Variants in HIBCH observed in about 807,000 individuals in gnomAD.
HIBCH encodes 3-hydroxyisobutyryl-CoA hydrolase, mitochondrial.
Under a neutral mutation model 58.2 loss-of-function variants are expected in HIBCH, and 50 were observed. The observed-to-expected ratio is 0.86, with a 90% CI of 0.68 to 1.09. HIBCH has a LOEUF of 1.09. HIBCH is among the 50% of genes least tolerant of loss of function. HIBCH has a pLI of 0.00. For missense variants in HIBCH, 450 were observed against 449.7 expected (o/e 1.00, Z -0.01); for synonymous variants, 151 against 146.9 (o/e 1.03, Z -0.20).
intron 6 of HIBCH, among the ~76,000 whole-genome samples, chr2:190,280,258 C>T (rs954015836): frequency 1.3e-5 from 2 of 152,136 alleles, no homozygotes; most frequent in Non-Finnish European, 2.9e-5. Context: ...GAATCCTGTG[C>T]ACACTGGGAT....
intron 9 of HIBCH, among the ~76,000 whole-genome samples, chr2:190,248,682 T>C (rs1375459388): frequency 2.0e-5 from 3 of 151,862 alleles, no homozygotes; most frequent in Non-Finnish European, 4.4e-5. Context: ...GCCAACATGG[T>C]GAAACCCTGT....
intron 11 of HIBCH, among the ~76,000 whole-genome samples, chr2:190,220,035 C>A (rs912874076): frequency 3.3e-5 from 5 of 152,190 alleles, no homozygotes; most frequent in African/African-American, 1.2e-4. Context: ...ACGTACAGCA[C>A]TTGTTTACAG....
intron 2 of HIBCH, among the ~76,000 whole-genome samples, chr2:190,305,893 G>A (rs1688391858): frequency 6.6e-6 from 1 of 151,868 alleles, no homozygotes; most frequent in Admixed American, 6.6e-5. Context: ...AATTAAGGGG[G>A]CAACCACAGG....
At chr2:190,251,091 C>T (rs1201533791) in intron 8 of HIBCH, among the ~76,000 whole-genome samples, 1 of 152,124 alleles carries the variant, frequency 6.6e-6, no homozygotes. Context: ...ACAAGAGACT[C>T]TCAATGAAAA....
downstream of HIBCH, chr2:190,203,139 G>A (rs1210549243): frequency 6.0e-6 from 1 of 166,966 alleles, no homozygotes; most frequent in Non-Finnish European, 1.5e-5. Context: ...TATCAAATGG[G>A]GAAACTATAC....
downstream of HIBCH, chr2:190,202,640 T>A (rs560097625): frequency 1.3e-4 from 21 of 167,138 alleles, no homozygotes; most frequent in African/African-American, 5.1e-4. Context: ...GTAGAAGGAC[T>A]GTCTGAGAAG....
At chr2:190,288,594 C>T (rs1407699335) in intron 5 of HIBCH, among the ~76,000 whole-genome samples, 1 of 151,390 alleles carries the variant, frequency 6.6e-6, no homozygotes, top group Non-Finnish European at 1.5e-5. Flanking sequence ...TTGGATACCA[C>T]AGAAGAGTTA....
chr2:190,271,624 C>A (rs1338831869), intron 6 of HIBCH, among the ~76,000 whole-genome samples: 1 of 152,010 alleles, frequency 6.6e-6, no homozygotes, highest in Non-Finnish European at 1.5e-5. Flanking sequence ...ATCTCTCACC[C>A]GATTCCCTGC....
chr2:190,296,932 C>A lies in HIBCH; in HGVS notation c.100G>T (p.Ala34Ser), dbSNP rs1314718913. The change falls in exon 3 of 14, where the codon GCA becomes TCA. Residue 34 changes from alanine to serine, a missense_variant. By Grantham distance (99) the Ala-to-Ser change is moderately conservative (BLOSUM62 1). Coordinates refer to ENST00000359678, the MANE Select transcript of HIBCH (RefSeq NM_014362.4). ...HHLRMSKHTD[A>S]AEEVLLEKKG... The stretch of plus-strand genomic sequence containing the variant: ...TTTTCCAATAGCACCTCTTCTGCTG[C>A]ATCTGTGTGCTTGGACATTCTCTGT... 8.7e-6 allele frequency: 14 copies of A among 1,614,010 alleles called. No individual in the cohort carries two copies. Among genetic ancestry groups the A allele is most frequent in the Non-Finnish European group, 1.1e-5 (13 of 1,180,010 alleles).
intron 6 of HIBCH, among the ~76,000 whole-genome samples, chr2:190,285,465 T>C (rs1037619902): frequency 6.6e-6 from 1 of 152,166 alleles, no homozygotes; most frequent in Non-Finnish European, 1.5e-5. Context: ...GCTCAGTTTC[T>C]GCCAAGCAGA....
chr2:190,307,722 A>G lies in HIBCH; in HGVS notation c.78+3032T>C, dbSNP rs76333122. Reference sequence around the variant, plus strand: ...GATTATGGAGAAAGAAGAAAAAAAAATATTTCCCTGAATATTTTCATAGTA... The same window carrying G: ...GATTATGGAGAAAGAAGAAAAAAAAGTATTTCCCTGAATATTTTCATAGTA... On this transcript the variant is annotated intron_variant, in intron 2 of 13. Coordinates refer to ENST00000359678, the MANE Select transcript of HIBCH (RefSeq NM_014362.4). Among the ~76,000 whole-genome samples, 549 of 150,334 alleles carry G rather than the reference A, an allele frequency of 3.7e-3. 1 individual carries two copies. Among genetic ancestry groups the G allele is most frequent in the African/African-American group, 0.013 (512 of 40,886 alleles).
intron 11 of HIBCH, 120 bp from the exon 12 acceptor site, chr2:190,213,195 C>A (rs1690554963): frequency 2.3e-6 from 2 of 868,910 alleles, no homozygotes; most frequent in African/African-American, 1.7e-5. Flanking sequence ...AAAGATTATA[C>A]CCTAGCTTAA....
chr2:190,230,243 A>G (rs1012822062), intron 11 of HIBCH, among the ~76,000 whole-genome samples: 4 of 152,230 alleles, frequency 2.6e-5, no homozygotes, highest in African/African-American at 9.6e-5. Context: ...GCCTGAAAAT[A>G]TAAAGATGGA....
chr2:190,315,370 C>G lies in HIBCH; in HGVS notation c.35+4346G>C, dbSNP rs182446661. Among the ~76,000 whole-genome samples the G allele has an allele frequency of 1.1e-4, 16 of 152,236 alleles. No homozygotes were observed. The highest frequency in any genetic ancestry group is 3.6e-4 in the African/African-American group (15 of 41,528). The stretch of plus-strand genomic sequence containing the variant: ...TCTTGGACAAGTACCATCAACATCC[C>G]CTGGAAACTGACTAGAAACTGAAAT... On this transcript the variant is annotated intron_variant, in intron 1 of 13. Coordinates refer to ENST00000359678, the MANE Select transcript of HIBCH (RefSeq NM_014362.4). The surrounding 1 kb of genome is among the most constrained non-coding windows in gnomAD (Gnocchi z 5.4).
chr2:190,208,284 C>A (rs896128387), intron 13 of HIBCH, among the ~76,000 whole-genome samples: 2 of 152,100 alleles, frequency 1.3e-5, no homozygotes, highest in African/African-American at 4.8e-5. Flanking sequence ...TTTTGCCAGG[C>A]CAGCACGAAA....
At chr2:190,199,512 A>G (rs763076112), downstream of HIBCH, among the ~76,000 whole-genome samples, 9 of 152,084 alleles carry the variant, frequency 5.9e-5, no homozygotes, top group African/African-American at 9.7e-5. Context: ...AAGTTTTCCT[A>G]TTTTGCAAGT....
At chr2:190,261,261 C>T (rs1021137407) in intron 6 of HIBCH, 27 bp from the exon 7 acceptor site, 5 of 1,500,806 alleles carry the variant, frequency 3.3e-6, no homozygotes, top group African/African-American at 1.4e-5. Context: ...AAAAAAGAGG[C>T]GGGGGGGAAT....
intron 6 of HIBCH, among the ~76,000 whole-genome samples, chr2:190,285,567 G>C (rs1687808571): frequency 6.6e-6 from 1 of 152,110 alleles, no homozygotes; most frequent in Non-Finnish European, 1.5e-5. Context: ...GGTTCTACTA[G>C]AACAAAGGGG....
chr2:190,208,313 G>T (rs1690439850), intron 13 of HIBCH, among the ~76,000 whole-genome samples: 1 of 152,170 alleles, frequency 6.6e-6, no homozygotes, highest in Non-Finnish European at 1.5e-5. Flanking sequence ...AAGGGTAGGG[G>T]ATTTGAGGGC....
Sources: allele counts gnomAD v4.1 joint callset (sites outside exome capture counted in the v4.1 genomes callset), GRCh38; gene constraint gnomAD v4.1.1; non-coding constraint Gnocchi (gnomAD v3.1); transcripts MANE v1.5; gene names NCBI Gene and HGNC (gene_info 2026-07-23, HGNC 2026-07-21).